Variants in SUGCT observed in about 807,000 individuals in gnomAD.
SUGCT encodes the protein succinyl-CoA:glutarate-CoA transferase.
A neutral mutation model predicts 55.0 loss-of-function variants in SUGCT; 41 were observed. The ratio of observed to expected loss-of-function variants is 0.74; its 90% CI spans 0.58 to 0.97. SUGCT has a LOEUF of 0.97. Among genes scored for constraint, SUGCT ranks in the 50% least tolerant of loss-of-function variants. SUGCT has a pLI of 0.00. For missense variants in SUGCT, 568 were observed against 547.8 expected (o/e 1.04, Z -0.37); for synonymous variants, 187 against 200.4 (o/e 0.93, Z 0.56).
At chr7:40,416,443 A>G (rs1239809752) in intron 9 of SUGCT, among the ~76,000 whole-genome samples, 1 of 151,706 alleles carries the variant, frequency 6.6e-6, no homozygotes, top group Non-Finnish European at 1.5e-5. Context: ...TACTATATTT[A>G]TTTTCTTCCA....
chr7:40,281,102 ACT>A (rs1458842331), intron 8 of SUGCT, among the ~76,000 whole-genome samples: 1 of 151,976 alleles, frequency 6.6e-6, no homozygotes, highest in Non-Finnish European at 1.5e-5. Context: ...TTATTATTAC[ACT>A]CTTTTTTTCT....
intron 12 of SUGCT, among the ~76,000 whole-genome samples, chr7:40,592,837 A>G (rs1212619985): frequency 6.6e-6 from 1 of 152,214 alleles, no homozygotes; most frequent in Non-Finnish European, 1.5e-5. Context: ...GCTGTTTCCC[A>G]TCTCTAGGTC....
chr7:40,785,450 T>A (rs1789962976), intron 13 of SUGCT, among the ~76,000 whole-genome samples: 2 of 152,202 alleles, frequency 1.3e-5, no homozygotes, highest in South Asian at 4.1e-4. Flanking sequence ...TGAGATTTCT[T>A]TGGACCAAAT....
chr7:40,653,039 A>T (rs866391812), intron 12 of SUGCT, among the ~76,000 whole-genome samples: 1 of 152,078 alleles, frequency 6.6e-6, no homozygotes, highest in Non-Finnish European at 1.5e-5. Context: ...ACTTTTTAGG[A>T]CTCAGCTTCA....
rs188360307 is a variant in SUGCT at position 40,665,249 on chromosome 7, G to A, written c.1090-84185G>A. Among the ~76,000 whole-genome samples, 174 of 151,418 alleles carry A rather than the reference G, an allele frequency of 1.1e-3. 1 individual carries two copies. The highest frequency in any genetic ancestry group is 4.1e-3 in the African/African-American group (168 of 41,102). On this transcript the variant is annotated intron_variant, in intron 12 of 13. Transcript: ENST00000335693. The stretch of plus-strand genomic sequence containing the variant: ...AGGTCAGGAGTTTGAGACCAGCCTG[G>A]CTAACATGGTGAAACCCTGTCGCTA...
At chr7:40,638,343 G>A (rs1377962782) in intron 12 of SUGCT, among the ~76,000 whole-genome samples, 2 of 152,146 alleles carry the variant, frequency 1.3e-5, no homozygotes, top group Admixed American at 1.3e-4. Context: ...TTTGCATTCT[G>A]AAATGCTTCC....
intron 9 of SUGCT, among the ~76,000 whole-genome samples, chr7:40,366,323 C>A (rs1006878141): frequency 6.6e-6 from 1 of 152,110 alleles, no homozygotes; most frequent in African/African-American, 2.4e-5. Context: ...AGAAGAAAAC[C>A]TAGGCATTAC....
At chr7:40,762,227 T>C (rs763731189) in intron 13 of SUGCT, among the ~76,000 whole-genome samples, 68 of 152,234 alleles carry the variant, frequency 4.5e-4, no homozygotes, top group Non-Finnish European at 3.2e-4. Context: ...TTCCTCTTCA[T>C]TGAGCCTCAG....
chr7:40,152,053 T>C (rs1210121517), intron 1 of SUGCT, among the ~76,000 whole-genome samples: 1 of 152,170 alleles, frequency 6.6e-6, no homozygotes, highest in Admixed American at 6.5e-5. Flanking sequence ...ACGCAGGGTC[T>C]AGGAAATATC....
intron 13 of SUGCT, among the ~76,000 whole-genome samples, chr7:40,785,463 G>A (rs1789963323): frequency 6.6e-6 from 1 of 152,162 alleles, no homozygotes; most frequent in Non-Finnish European, 1.5e-5. Flanking sequence ...GACCAAATTA[G>A]TAACCAGGAA....
the SUGCT span, among the ~76,000 whole-genome samples, chr7:41,025,592 T>A: frequency 6.6e-6 from 1 of 152,254 alleles, no homozygotes; most frequent in Admixed American, 6.5e-5. Context: ...CCTGACCTTG[T>A]GATCAGCCTG....
intron 9 of SUGCT, among the ~76,000 whole-genome samples, chr7:40,430,813 G>T (rs1479968168): frequency 6.6e-6 from 1 of 151,794 alleles, no homozygotes; most frequent in African/African-American, 2.4e-5. Context: ...TTTTTTCAGG[G>T]ATAAGATAAT....
At chr7:40,726,779 A>C (rs1786635111) in intron 12 of SUGCT, among the ~76,000 whole-genome samples, 1 of 152,194 alleles carries the variant, frequency 6.6e-6, no homozygotes. Flanking sequence ...ACCTGACTGC[A>C]CAGGTGCTGC....
intron 12 of SUGCT, among the ~76,000 whole-genome samples, chr7:40,685,747 A>G (rs1335787761): frequency 5.9e-5 from 9 of 152,076 alleles, no homozygotes; most frequent in African/African-American, 1.9e-4. Context: ...TCATTTACAC[A>G]TAAGTTTTAG....
At chr7:40,261,048 T>C (rs1791190687) in intron 7 of SUGCT, among the ~76,000 whole-genome samples, 1 of 152,134 alleles carries the variant, frequency 6.6e-6, no homozygotes, top group African/African-American at 2.4e-5. Flanking sequence ...GAAAAAGTTG[T>C]TATAATTGGA....
intron 1 of SUGCT, among the ~76,000 whole-genome samples, chr7:40,138,326 T>G (rs1787802410): frequency 6.6e-6 from 1 of 152,228 alleles, no homozygotes; most frequent in Non-Finnish European, 1.5e-5. Flanking sequence ...AGACATAATT[T>G]CATTCTTTTT....
At chr7:40,344,240 A>G (rs1214369165) in intron 9 of SUGCT, among the ~76,000 whole-genome samples, 5 of 152,170 alleles carry the variant, frequency 3.3e-5, no homozygotes, top group East Asian at 1.9e-4. Flanking sequence ...ATTTATTAGT[A>G]TGTTTATTTT....
chr7:40,531,461 T>C (rs1046555651), intron 12 of SUGCT, among the ~76,000 whole-genome samples: 1 of 151,884 alleles, frequency 6.6e-6, no homozygotes, highest in African/African-American at 2.4e-5. Context: ...TTTCTATCTA[T>C]AGTATCAGTC....
intron 12 of SUGCT, among the ~76,000 whole-genome samples, chr7:40,704,489 A>G (rs1251969878): frequency 6.6e-6 from 1 of 152,128 alleles, no homozygotes; most frequent in Non-Finnish European, 1.5e-5. Context: ...AGTTCCAGCT[A>G]ACAGGTGACC....
Sources: allele counts gnomAD v4.1 joint callset (sites outside exome capture counted in the v4.1 genomes callset), GRCh38; gene constraint gnomAD v4.1.1; transcripts MANE v1.5; gene names NCBI Gene and HGNC (gene_info 2026-07-23, HGNC 2026-07-21).